Variants in KIF11 observed in about 807,000 individuals in gnomAD.
KIF11 encodes the protein kinesin-like protein KIF11.
KIF11 carries 9 observed loss-of-function variants against 121.0 expected under a neutral mutation model. The observed-to-expected ratio is 0.07, with a 90% CI of 0.04 to 0.13. KIF11 has a LOEUF of 0.13. KIF11 is among the 10% of genes least tolerant of loss of function. KIF11 has a pLI of 1.00. For synonymous variants in KIF11, 408 were observed against 421.0 expected (o/e 0.97, Z 0.38); for missense variants, 846 against 1,217.5 (o/e 0.69, Z 4.54).
At position 92,645,950 on chromosome 10, in the gene KIF11, C is replaced by CT. The variant is rs33915127; in HGVS notation, c.2547+327dup. ...ATGTAATACCTTCCACTTATATATG[C>CT]TTTTTTTTTTTTTTTTTTTGAGATG... is the stretch of plus-strand genomic sequence containing the variant. On this transcript the variant is annotated intron_variant, in intron 18 of 21. Transcript: ENST00000260731. 3.9e-3 allele frequency among the ~76,000 whole-genome samples: 401 copies of CT among 101,678 alleles called. 9 individuals are homozygous for CT. The highest frequency in any genetic ancestry group is 0.033 in the East Asian group (103 of 3,116). The allele number at this position is 101,678 out of a possible 152,430, so 66.7% of individuals were successfully genotyped here. A position where few individuals can be genotyped will look rare whatever the true frequency, so the allele number is the denominator to read the frequency against.
intron 14 of KIF11, 76 bp downstream of exon 14, chr10:92,633,871 T>G: frequency 1.0e-6 from 1 of 963,550 alleles, no homozygotes. Flanking sequence ...AAGGGTTACA[T>G]TTGATAAGTC....
chr10:92,618,665 A>G (rs1844587021), intron 9 of KIF11, among the ~76,000 whole-genome samples: 1 of 151,810 alleles, frequency 6.6e-6, no homozygotes, highest in African/African-American at 2.4e-5. Flanking sequence ...AAAGAAAAAA[A>G]GTAATAATAC....
chr10:92,613,712 A>G lies in KIF11; in HGVS notation c.1032+93A>G. On this transcript the variant is annotated intron_variant, in intron 8 of 21. Transcript: ENST00000260731. This position sits in a 1 kb window ranked among gnomAD's most constrained non-coding sequence, Gnocchi z 4.2. ...AAAGTTCATTTACTAGGATGGACAC[A>G]GTGACTCACACCTGTAAACCCAGCA... The G allele has an allele frequency of 8.2e-7, 1 of 1,222,856 alleles. No homozygotes were observed. Among genetic ancestry groups the G allele is most frequent in the South Asian group, 1.5e-5 (1 of 65,582 alleles). 75.8% of individuals were successfully genotyped at this position (1,222,856 alleles called of 1,614,324 possible).
At chr10:92,622,692 C>T (rs1199154551) in intron 10 of KIF11, among the ~76,000 whole-genome samples, 1 of 151,880 alleles carries the variant, frequency 6.6e-6, no homozygotes, top group Non-Finnish European at 1.5e-5. Flanking sequence ...GGGAAGTTGA[C>T]CTTGATACAA....
At chr10:92,647,959 A>G (rs1018416755) in intron 18 of KIF11, among the ~76,000 whole-genome samples, 1 of 152,014 alleles carries the variant, frequency 6.6e-6, no homozygotes, top group Non-Finnish European at 1.5e-5. Flanking sequence ...AAATACAAAA[A>G]TTAGCCAGGC....
intron 10 of KIF11, among the ~76,000 whole-genome samples, chr10:92,626,329 A>G: frequency 6.6e-6 from 1 of 152,220 alleles, no homozygotes; most frequent in East Asian, 1.9e-4. Context: ...CTGTTCAATA[A>G]ATGGTGCTGG....
chr10:92,621,623 A>G, intron 10 of KIF11, 150 bp downstream of exon 10: 1 of 503,110 alleles, frequency 2.0e-6, no homozygotes. Context: ...TTCTTTTGAG[A>G]CAAGGTCTCG....
chr10:92,641,992 T>A (rs949530331), intron 17 of KIF11, among the ~76,000 whole-genome samples: 1 of 152,098 alleles, frequency 6.6e-6, no homozygotes, highest in African/African-American at 2.4e-5. Flanking sequence ...TTTTATAATT[T>A]TCATTTGCTT....
chr10:92,593,486 C>A, intron 1 of KIF11, 34 bp downstream of exon 1: 3 of 1,579,730 alleles, frequency 1.9e-6, no homozygotes, highest in Non-Finnish European at 2.6e-6. Flanking sequence ...CCGAGCGCTG[C>A]GGCTTCGCTG....
At chr10:92,602,517 C>T (rs990547244) in intron 1 of KIF11, among the ~76,000 whole-genome samples, 15 of 151,886 alleles carry the variant, frequency 9.9e-5, no homozygotes, top group African/African-American at 3.4e-4. Flanking sequence ...GGAATTTGTT[C>T]AGCTGGGTTA....
At chr10:92,645,950 C>CTTTTTTTTTTTTTTTTTTTTTATTTT in intron 18 of KIF11, among the ~76,000 whole-genome samples, 1 of 101,742 alleles carries the variant, frequency 9.8e-6, no homozygotes, top group Non-Finnish European at 1.9e-5. Context: ...CTTATATATG[C>CTTTTTTTTTTTTTTTTTTTTTATTTT]TTTTTTTTTT....
chr10:92,608,244 T>C (rs1331744075), intron 4 of KIF11, among the ~76,000 whole-genome samples: 1 of 151,660 alleles, frequency 6.6e-6, no homozygotes, highest in African/African-American at 2.4e-5. Flanking sequence ...CCTGAGTAGC[T>C]GGGATTAGAG....
chr10:92,616,750 C>A lies in KIF11; in HGVS notation c.1046C>A (p.Thr349Lys). Residue 349 changes from threonine (T) to lysine (K), a missense_variant, in exon 9 of 22, where the codon ACA becomes AAA. Physicochemically the swap from Thr to Lys is moderately conservative, Grantham distance 78. Coordinates refer to ENST00000260731, the MANE Select transcript of KIF11 (RefSeq NM_004523.4). ...TTTCCATGACAGGAAACTCTGAGTA[C>A]ATTGGAATATGCTCATAGAGCAAAG... ...ASLNLEETLS[T>K]LEYAHRAKNI... The A allele has an allele frequency of 6.3e-7, 1 of 1,591,728 alleles. No individual in the cohort carries two copies. Among genetic ancestry groups the A allele is most frequent in the Non-Finnish European group, 8.6e-7 (1 of 1,163,314 alleles).
chr10:92,628,262 G>A (rs1387304188), intron 10 of KIF11, among the ~76,000 whole-genome samples: 1 of 152,134 alleles, frequency 6.6e-6, no homozygotes, highest in African/African-American at 2.4e-5. Context: ...TTATGCGGTG[G>A]GGTGAGAGTG....
intron 8 of KIF11, among the ~76,000 whole-genome samples, chr10:92,616,233 A>G (rs1420304311): frequency 6.7e-6 from 1 of 148,792 alleles, no homozygotes; most frequent in Non-Finnish European, 1.5e-5. Flanking sequence ...TTTTTGAGAC[A>G]AGGTCCCTCT....
At chr10:92,633,491 C>T in intron 13 of KIF11, 132 bp from the exon 14 acceptor site, 1 of 638,432 alleles carries the variant, frequency 1.6e-6, no homozygotes, top group Non-Finnish European at 2.7e-6. Context: ...TTGTAGTGAG[C>T]CAGTTCTTTT....
At chr10:92,653,193 C>A (rs1276348921) in intron 21 of KIF11, among the ~76,000 whole-genome samples, 1 of 152,170 alleles carries the variant, frequency 6.6e-6, no homozygotes, top group Non-Finnish European at 1.5e-5. Flanking sequence ...GACAGCAGTG[C>A]TATTGGCATT....
At chr10:92,642,959 C>G (rs535407652) in intron 17 of KIF11, among the ~76,000 whole-genome samples, 5 of 152,068 alleles carry the variant, frequency 3.3e-5, no homozygotes, top group Admixed American at 2.0e-4. Context: ...TGGCCCAGGC[C>G]GGAGTACAGT....
intron 8 of KIF11, among the ~76,000 whole-genome samples, chr10:92,614,020 A>G (rs1217266950): frequency 1.9e-5 from 1 of 51,670 alleles, no homozygotes; most frequent in African/African-American, 5.4e-5. Context: ...AAGTATGTGT[A>G]TACACACACA....
Sources: gnomAD v4.1 joint callset for allele counts (sites outside exome capture counted in the v4.1 genomes callset) on GRCh38, gnomAD v4.1.1 for gene constraint, Gnocchi (gnomAD v3.1) non-coding constraint, MANE v1.5 for transcripts, NCBI Gene and HGNC (gene_info 2026-07-23, HGNC 2026-07-21) for gene names.